Variants in ABI1 observed in about 807,000 individuals in gnomAD.
ABI1 encodes abl interactor 1, also known as Abelson interactor 1.
In ABI1, 14 loss-of-function variants were observed where a neutral mutation model predicts 54.6. The observed-to-expected ratio is 0.26, with a 90% CI of 0.17 to 0.40. The LOEUF (loss-of-function observed/expected upper bound fraction) is 0.40, where lower values mean the gene tolerates loss of function less well. ABI1 is among the 10% of genes least tolerant of loss of function. ABI1 has a pLI of 1.00. For missense variants in ABI1, 443 were observed against 598.3 expected, an observed-to-expected ratio of 0.74 and a Z score of 2.71; for synonymous variants, 194 against 209.3, an observed-to-expected ratio of 0.93 and a Z score of 0.63.
intron 2 of ABI1, among the ~76,000 whole-genome samples, chr10:26,812,300 A>T (rs1228799831): frequency 6.6e-6 from 1 of 152,154 alleles, no homozygotes; most frequent in Non-Finnish European, 1.5e-5. Flanking sequence ...GAAATACTAG[A>T]TGTGCATACA....
chr10:26,801,629 T>G (rs375619248), intron 2 of ABI1, among the ~76,000 whole-genome samples: 2 of 152,192 alleles, frequency 1.3e-5, no homozygotes, highest in East Asian at 3.8e-4. Flanking sequence ...ATTCTCAAAC[T>G]GTTCAAAATA....
At chr10:26,776,988 C>T (rs1841488227) in intron 3 of ABI1, 77 bp downstream of exon 3, 2 of 1,253,402 alleles carry the variant, frequency 1.6e-6, no homozygotes, top group African/African-American at 1.5e-5. Context: ...TTAAAATCAT[C>T]TTTATGACAA....
chr10:26,823,061 C>T, intron 2 of ABI1, 77 bp downstream of exon 2: 6 of 1,287,638 alleles, frequency 4.7e-6, no homozygotes, highest in African/African-American at 1.6e-5. Flanking sequence ...GAAATCCATA[C>T]ATGCAGGCTA....
chr10:26,814,373 T>C (rs2047426395), intron 2 of ABI1, among the ~76,000 whole-genome samples: 1 of 152,182 alleles, frequency 6.6e-6, no homozygotes, highest in African/African-American at 2.4e-5. Context: ...AACCAAATGA[T>C]CTCATGTCCC....
chr10:26,753,121 T>C (rs1412765978), intron 9 of ABI1, among the ~76,000 whole-genome samples: 1 of 152,188 alleles, frequency 6.6e-6, no homozygotes, highest in Admixed American at 6.5e-5. Context: ...ATAATGACCC[T>C]ATTTCCATAA....
At chr10:26,752,684 G>A (rs1047044379) in intron 9 of ABI1, among the ~76,000 whole-genome samples, 3 of 152,030 alleles carry the variant, frequency 2.0e-5, no homozygotes, top group African/African-American at 7.2e-5. Flanking sequence ...GATGGTCGTG[G>A]TCAGTATATA....
chr10:26,804,561 C>G (rs529291743), intron 2 of ABI1, among the ~76,000 whole-genome samples: 18 of 152,040 alleles, frequency 1.2e-4, no homozygotes, highest in African/African-American at 4.1e-4. Context: ...AATGTTTATT[C>G]GAAGTGGGAA....
chr10:26,750,275 C>T (rs1207647179), intron 10 of ABI1, among the ~76,000 whole-genome samples: 2 of 152,220 alleles, frequency 1.3e-5, no homozygotes. Context: ...GGGCGGATCA[C>T]TTGAGGTCAG....
Position 26,839,676 on chromosome 10 carries a change from C to T in ABI1, c.118-16371G>A, listed in dbSNP as rs527364054. The stretch of plus-strand genomic sequence containing the variant: ...TAAAAAAAAAAAAAAACATGCCAGG[C>T]TTGGTGGCTCACACCTGTAATCCCA... On this transcript the variant is annotated intron_variant, in intron 1 of 10. Transcript: ENST00000376140. 2,386 of 636,418 alleles carry T rather than the reference C, an allele frequency of 3.7e-3. 16 individuals carry two copies. The highest frequency in any genetic ancestry group is 4.5e-3 in the Middle Eastern group (14 of 3,112). 39.4% of individuals were successfully genotyped at this position (636,418 alleles called of 1,614,324 possible). A position where few individuals can be genotyped will look rare whatever the true frequency, so the allele number is the denominator to read the frequency against.
At chr10:26,790,955 C>T (rs1421784286) in intron 2 of ABI1, among the ~76,000 whole-genome samples, 1 of 151,112 alleles carries the variant, frequency 6.6e-6, no homozygotes, top group African/African-American at 2.4e-5. Context: ...CTTGCAGTCC[C>T]AGCTACTCAG....
intron 9 of ABI1, among the ~76,000 whole-genome samples, chr10:26,752,432 T>A (rs1837754647): frequency 6.6e-6 from 1 of 152,180 alleles, no homozygotes; most frequent in African/African-American, 2.4e-5. Context: ...TGAGTATTTT[T>A]AAAAAGGTTT....
chr10:26,793,981 G>A (rs749903950), intron 2 of ABI1, among the ~76,000 whole-genome samples: 1 of 152,138 alleles, frequency 6.6e-6, no homozygotes, highest in East Asian at 1.9e-4. Flanking sequence ...AGTGGTTCAC[G>A]CCTATAATCC....
chr10:26,794,133 C>T (rs1174280580), intron 2 of ABI1, among the ~76,000 whole-genome samples: 1 of 152,086 alleles, frequency 6.6e-6, no homozygotes, highest in African/African-American at 2.4e-5. Context: ...GTCCCAGCTA[C>T]TCGAGAGGCT....
intron 2 of ABI1, among the ~76,000 whole-genome samples, chr10:26,799,430 A>C (rs1162176097): frequency 1.3e-5 from 2 of 152,222 alleles, no homozygotes; most frequent in Admixed American, 6.5e-5. Context: ...AAAAGAACAA[A>C]CCAAAAGCAA....
At chr10:26,827,472 C>A (rs2048375820) in intron 1 of ABI1, among the ~76,000 whole-genome samples, 1 of 152,094 alleles carries the variant, frequency 6.6e-6, no homozygotes, top group Non-Finnish European at 1.5e-5. Context: ...CCATCCACCT[C>A]CGCCTCCCAA....
chr10:26,766,920 C>T (rs536098720), intron 6 of ABI1, among the ~76,000 whole-genome samples: 4 of 152,280 alleles, frequency 2.6e-5, no homozygotes, highest in East Asian at 1.9e-4. Flanking sequence ...CATTCATTTA[C>T]GTATTGTCAA....
intron 2 of ABI1, among the ~76,000 whole-genome samples, chr10:26,799,870 T>C (rs900840046): frequency 6.6e-6 from 1 of 152,112 alleles, no homozygotes; most frequent in Non-Finnish European, 1.5e-5. Context: ...AAAATATTTT[T>C]AGGGACATCA....
At chr10:26,805,631 G>A (rs538017973) in intron 2 of ABI1, among the ~76,000 whole-genome samples, 3 of 152,176 alleles carry the variant, frequency 2.0e-5, no homozygotes, top group Non-Finnish European at 4.4e-5. Flanking sequence ...ATATTGAACA[G>A]AAGCAGGATT....
intron 2 of ABI1, among the ~76,000 whole-genome samples, chr10:26,786,331 A>G (rs927083136): frequency 6.6e-6 from 1 of 151,150 alleles, no homozygotes; most frequent in Non-Finnish European, 1.5e-5. Context: ...CTCATGTCTC[A>G]TGACTCCCGA....
Sources: allele counts gnomAD v4.1 joint callset (sites outside exome capture counted in the v4.1 genomes callset), GRCh38; gene constraint gnomAD v4.1.1; transcripts MANE v1.5; gene names NCBI Gene and HGNC (gene_info 2026-07-23, HGNC 2026-07-21).